Variants in RNF128 observed in about 807,000 individuals in gnomAD.
RNF128 encodes the protein ring finger protein 128, also known as E3 ubiquitin-protein ligase RNF128.
A neutral mutation model predicts 26.2 loss-of-function variants in RNF128; 13 were observed. That is an observed-to-expected ratio of 0.50 (90% confidence interval 0.32 to 0.79). RNF128 has a LOEUF of 0.79. Ranked by LOEUF, RNF128 falls within the 30% of genes least tolerant of loss-of-function variation. The pLI is 0.03. For missense variants in RNF128, 315 were observed against 349.7 expected (o/e 0.90, Z 0.79); for synonymous variants, 149 against 142.5 (o/e 1.05, Z -0.32).
chrX:106,720,357 T>G (rs373118337), intron 1 of RNF128, among the ~76,000 whole-genome samples: 2 of 111,605 alleles, frequency 1.8e-5, no homozygotes, highest in African/African-American at 6.5e-5. Context: ...ACACAATTTC[T>G]TTCTTTCTTA....
chrX:106,755,983 A>G (rs1303001998), intron 1 of RNF128, among the ~76,000 whole-genome samples: 1 of 110,820 alleles, frequency 9.0e-6, no homozygotes, highest in African/African-American at 3.3e-5. Flanking sequence ...ACTCCCATTC[A>G]CAATTGCTTC....
chrX:106,710,633 T>C (rs1190267710), intron 1 of RNF128, among the ~76,000 whole-genome samples: 2 of 107,423 alleles, frequency 1.9e-5, no homozygotes, highest in Admixed American at 1.0e-4. Flanking sequence ...GGCAGGCGCC[T>C]GTAATCCCGT....
chrX:106,727,885 C>T (rs753588997), intron 1 of RNF128, among the ~76,000 whole-genome samples: 10 of 111,146 alleles, frequency 9.0e-5, no homozygotes, highest in African/African-American at 2.6e-4. Context: ...CCCTGTTAAC[C>T]TCATTGCAAT....
intron 6 of RNF128, among the ~76,000 whole-genome samples, chrX:106,792,949 G>A (rs774177041): frequency 8.9e-6 from 1 of 111,969 alleles, no homozygotes; most frequent in East Asian, 2.8e-4. Flanking sequence ...TAAGAATCTT[G>A]CGTATTAGCC....
rs1013636054 is a variant in RNF128, at chrX:106,717,128, G to A, written c.406+22720G>A. Among the ~76,000 whole-genome samples, 13 of 109,563 alleles carry A rather than the reference G, an allele frequency of 1.2e-4. No homozygotes were observed. The East Asian group carries it at 3.4e-3, about 29-fold the overall frequency. ...TGAGGCAGGAGAATGGCGTGGACCC[G>A]GGAGGCGGAGCTCGCAGTGAGCCGA... On this transcript the variant is annotated intron_variant, in intron 1 of 6. Transcript: ENST00000324342.
chrX:106,720,794 T>C (rs1229065001), intron 1 of RNF128, among the ~76,000 whole-genome samples: 1 of 111,546 alleles, frequency 9.0e-6, no homozygotes, highest in Non-Finnish European at 1.9e-5. Flanking sequence ...TCTGAAAAAA[T>C]GTAAATTATA....
intron 1 of RNF128, among the ~76,000 whole-genome samples, chrX:106,762,579 G>T (rs987935249): frequency 1.9e-4 from 21 of 111,099 alleles, no homozygotes; most frequent in African/African-American, 6.5e-4. Flanking sequence ...CTCCCAAAGT[G>T]CTGGGATTAC....
chrX:106,716,797 CA>C (rs1929223936), intron 1 of RNF128, among the ~76,000 whole-genome samples: 1 of 111,139 alleles, frequency 9.0e-6, no homozygotes, highest in Non-Finnish European at 1.9e-5. Context: ...TAAATAAATG[CA>C]ATATAGTATG....
chrX:106,791,172 C>T lies in RNF128; in HGVS notation c.1091C>T (p.Ser364Phe). Reference sequence around the variant, plus strand: ...GATAATCGCAGCGAGACCGCATCATCTGGATATGCTTCAGTACAGGGAACA... The same window carrying T: ...GATAATCGCAGCGAGACCGCATCATTTGGATATGCTTCAGTACAGGGAACA... ...EEDNRSETAS[S>F]GYASVQGTDE... Residue 364 changes from serine to phenylalanine, a missense_variant, in exon 6 of 7, where the codon TCT (serine) becomes TTT (phenylalanine). Transcript: ENST00000255499. 1 of 1,210,023 alleles carries T rather than the reference C, an allele frequency of 8.3e-7. No individual in the cohort carries two copies. Among genetic ancestry groups the T allele is most frequent in the Non-Finnish European group, 1.1e-6 (1 of 894,343 alleles).
chrX:106,750,432 A>G (rs1033295008), intron 1 of RNF128, among the ~76,000 whole-genome samples: 3 of 112,147 alleles, frequency 2.7e-5, no homozygotes, highest in Non-Finnish European at 3.8e-5. Flanking sequence ...TACCCTAGGC[A>G]GTTAGTCAAA....
intron 1 of RNF128, among the ~76,000 whole-genome samples, chrX:106,756,124 G>A (rs1489192811): frequency 9.0e-6 from 1 of 111,572 alleles, no homozygotes; most frequent in African/African-American, 3.3e-5. Context: ...ATACTCATGG[G>A]TAGGAAGAAT....
intron 1 of RNF128, among the ~76,000 whole-genome samples, chrX:106,760,788 T>TAC (rs1930106688): frequency 9.0e-6 from 1 of 111,487 alleles, no homozygotes; most frequent in Non-Finnish European, 1.9e-5. Context: ...CACACGTGTA[T>TAC]ACAATGGAAT....
intron 1 of RNF128, among the ~76,000 whole-genome samples, chrX:106,717,122 G>A (rs2147663844): frequency 9.1e-6 from 1 of 109,836 alleles, no homozygotes; most frequent in South Asian, 4.1e-4. Flanking sequence ...AGAATGGCGT[G>A]GACCCGGGAG....
At chrX:106,713,279 C>T (rs190354740) in intron 1 of RNF128, among the ~76,000 whole-genome samples, 1 of 109,869 alleles carries the variant, frequency 9.1e-6, no homozygotes, top group African/African-American at 3.3e-5. Context: ...GAAGCCAAGG[C>T]GGGTGGATTG....
intron 1 of RNF128, among the ~76,000 whole-genome samples, chrX:106,708,295 C>T (rs1929074996): frequency 8.9e-6 from 1 of 111,902 alleles, no homozygotes; most frequent in Non-Finnish European, 1.9e-5. Flanking sequence ...GTAGGAACTG[C>T]CTAGGTTACC....
chrX:106,772,878 C>T (rs763799304), intron 1 of RNF128, 35 bp from the exon 2 acceptor site: 1 of 1,180,329 alleles, frequency 8.5e-7, no homozygotes, highest in East Asian at 3.0e-5. Flanking sequence ...AAGAATGTTT[C>T]ACCAAACTAA....
At chrX:106,788,108 T>TAAAC in intron 4 of RNF128, 108 bp downstream of exon 4, 2 of 412,574 alleles carry the variant, frequency 4.8e-6, no homozygotes, top group Non-Finnish European at 7.8e-6. Context: ...AAAAAATGTT[T>TAAAC]ATTTTTTAAC....
intron 1 of RNF128, among the ~76,000 whole-genome samples, chrX:106,747,780 A>T (rs1467971285): frequency 8.9e-6 from 1 of 112,175 alleles, no homozygotes; most frequent in Non-Finnish European, 1.9e-5. Flanking sequence ...TTGAAATGTG[A>T]TTTGGGAATT....
Position 106,773,103 on chromosome X carries a change from T to C in RNF128, c.675T>C (p.Tyr225=). ...TTATTACGGCGGCAACTGTGGGCTA[T>C]TTTATCTTTTATTCTGCTCGAAGGC... is the stretch of plus-strand genomic sequence containing the variant. ...FFIITAATVG[Y]FIFYSARRLR... Residue 225 remains tyrosine, a synonymous_variant, in exon 2 of 7, where the codon TAT becomes TAC. Coordinates refer to ENST00000255499, the MANE Select transcript of RNF128 (RefSeq NM_194463.2). 1.7e-6 allele frequency: 2 copies of C among 1,210,715 alleles called. No homozygotes were observed. The highest frequency in any genetic ancestry group is 1.7e-5 in the African/African-American group (1 of 57,629).
Sources: gnomAD v4.1 joint callset for allele counts (sites outside exome capture counted in the v4.1 genomes callset) on GRCh38, gnomAD v4.1.1 for gene constraint, MANE v1.5 for transcripts, NCBI Gene and HGNC (gene_info 2026-07-23, HGNC 2026-07-21) for gene names.